The following NUP50 variants were observed in gnomAD, a reference collection of about 807,000 sequenced individuals.
The protein encoded by NUP50 is nuclear pore complex protein Nup50.
Under a neutral mutation model 36.8 loss-of-function variants are expected in NUP50, and 14 were observed. The observed-to-expected ratio is 0.38, with a 90% confidence interval of 0.25 to 0.59. The LOEUF (loss-of-function observed/expected upper bound fraction) is 0.59. Ranked by LOEUF, NUP50 falls within the 20% of genes least tolerant of loss-of-function variation. The pLI, the probability that NUP50 is intolerant of heterozygous loss-of-function variation, is 0.63. For synonymous variants in NUP50, 195 were observed against 210.8 expected, an observed-to-expected ratio of 0.93 and a Z score of 0.65; for missense variants, 455 against 564.6, an observed-to-expected ratio of 0.81 and a Z score of 1.97.
At chr22:45,178,015 A>G (rs1026372662) in intron 4 of NUP50, 16 of 509,644 alleles carry the variant, frequency 3.1e-5, no homozygotes, top group African/African-American at 1.7e-4. Context: ...AATCCCACCT[A>G]CTCGGGAGGT....
chr22:45,170,925 A>G (rs2074181989), intron 2 of NUP50: 4 of 1,250,246 alleles, frequency 3.2e-6, no homozygotes, highest in Non-Finnish European at 4.2e-6. Context: ...TAAGTTTAAT[A>G]TGATCTGAAA....
At chr22:45,178,182 T>G in intron 4 of NUP50, 56 bp from the exon 5 acceptor site, 1 of 1,511,246 alleles carries the variant, frequency 6.6e-7, no homozygotes, top group Non-Finnish European at 9.0e-7. Context: ...CAAAAAAATC[T>G]AGATGATTTA....
intron 3 of NUP50, among the ~76,000 whole-genome samples, chr22:45,174,642 C>T (rs978427716): frequency 1.3e-5 from 2 of 151,840 alleles, no homozygotes; most frequent in African/African-American, 4.8e-5. Flanking sequence ...ATCGGAGGCT[C>T]TGAAAAGCCA....
Position 45,182,256 on chromosome 22 carries a change from C to G in NUP50, c.1085+889C>G, listed in dbSNP as rs1402859963. Among the ~76,000 whole-genome samples the G allele has an allele frequency of 2.6e-5, 4 of 152,082 alleles. No individual in the cohort carries two copies. The South Asian group carries it at 8.3e-4, about 32-fold the overall frequency. ...AGGAGTTCCAGACAAACCTGGCCAACATGGTGAAATCCCGTCTCTACTAAA... is the reference window on the plus strand; with the variant it reads ...AGGAGTTCCAGACAAACCTGGCCAAGATGGTGAAATCCCGTCTCTACTAAA... On this transcript the variant is annotated intron_variant, in intron 6 of 7. Transcript: ENST00000347635.
At chr22:45,174,866 A>G (rs1292720277) in intron 3 of NUP50, among the ~76,000 whole-genome samples, 1 of 152,242 alleles carries the variant, frequency 6.6e-6, no homozygotes, top group East Asian at 1.9e-4. Context: ...TAAACATCTG[A>G]AATTCTGTAG....
intron 7 of NUP50, 138 bp downstream of exon 7, chr22:45,183,658 T>C (rs1157527608): frequency 6.2e-6 from 4 of 649,266 alleles, no homozygotes; most frequent in Non-Finnish European, 1.1e-5. Context: ...TACTTATTTA[T>C]AGTTTTGAGT....
intron 6 of NUP50, among the ~76,000 whole-genome samples, chr22:45,182,235 G>A (rs541489783): frequency 6.6e-6 from 1 of 152,110 alleles, no homozygotes; most frequent in South Asian, 2.1e-4. Flanking sequence ...GAGGTCAGGA[G>A]TTCCAGACAA....
At chr22:45,168,435 A>G (rs1165196814) in intron 2 of NUP50, among the ~76,000 whole-genome samples, 189 bp downstream of exon 2, 4 of 152,216 alleles carry the variant, frequency 2.6e-5, no homozygotes, top group Admixed American at 6.5e-5. Context: ...TGTGACCTCT[A>G]GTTAGTGTAG....
In NUP50 at chr22:45,178,588, C is replaced by G. The variant is rs2074314815; in HGVS notation, c.691C>G (p.Gln231Glu). 5 of 1,611,906 alleles carry G rather than the reference C, an allele frequency of 3.1e-6. No homozygotes were observed. Residue 231 changes from glutamine (Q) to glutamate (E), a missense_variant, in exon 5 of 8, where the codon CAG (glutamine) becomes GAG (glutamate). By Grantham distance (29) the Gln-to-Glu change is conservative. Around this residue, in one of 3 missense-constraint regions of NUP50, gnomAD observed 287 missense variants for 345.5 expected, o/e 0.83. Coordinates refer to ENST00000347635, the MANE Select transcript of NUP50 (RefSeq NM_007172.4). ...SPSLFGSTKL[Q>E]QESTFLFHGN... is the part of the protein sequence containing the mutation. The stretch of plus-strand genomic sequence containing the variant: ...TTCCCTTTTTGGCTCAACAAAATTA[C>G]AGCAAGAGTCAACGTTTTTGTTTCA...
At chr22:45,175,849 T>G (rs1350061362) in intron 3 of NUP50, 45 bp from the exon 4 acceptor site, 1 of 1,593,786 alleles carries the variant, frequency 6.3e-7, no homozygotes, top group Non-Finnish European at 8.6e-7. Flanking sequence ...TTTTTGGTAA[T>G]AGAAAGTACA....
intron 2 of NUP50, among the ~76,000 whole-genome samples, chr22:45,169,970 T>G (rs1336067196): frequency 6.6e-6 from 1 of 152,266 alleles, no homozygotes; most frequent in Non-Finnish European, 1.5e-5. Context: ...GGTTCCTCTT[T>G]GAAGTTCTTA....
At chr22:45,171,783 C>T (rs1444934037) in intron 3 of NUP50, 100 bp downstream of exon 3, 6 of 909,522 alleles carry the variant, frequency 6.6e-6, no homozygotes, top group Non-Finnish European at 1.1e-5. Context: ...CAAATGCTTT[C>T]TTAAAATACT....
At position 45,178,851 on chromosome 22, in the gene NUP50, C is replaced by A; in HGVS notation, c.954C>A (p.Pro318=). 6.2e-7 allele frequency: 1 copy of A among 1,613,656 alleles called. No homozygotes were observed. Among genetic ancestry groups the A allele is most frequent in the Non-Finnish European group, 8.5e-7 (1 of 1,179,794 alleles). Residue 318 remains proline, a synonymous_variant, in exon 5 of 8, where the codon CCC becomes CCA. Coordinates refer to ENST00000347635, the MANE Select transcript of NUP50 (RefSeq NM_007172.4). ...GTAAACCAGTCTCTTCACCATTTCC[C>A]ACTAAACCATTGGAGGGCCAAGCAG... ...TQSKPVSSPF[P]TKPLEGQAEG...
At position 45,187,080 on chromosome 22, in the gene NUP50, A is replaced by T. The variant is rs1334429921; in HGVS notation, c.*2425A>T. The T allele has an allele frequency of 6.6e-6, 1 of 151,806 alleles. No homozygotes were observed. Among genetic ancestry groups the T allele is most frequent in the Non-Finnish European group, 1.5e-5 (1 of 67,980 alleles). 9.4% of individuals were successfully genotyped at this position (151,806 alleles called of 1,614,324 possible). On this transcript the variant is annotated 3_prime_UTR_variant, in exon 8 of 8. Transcript: ENST00000347635. The stretch of plus-strand genomic sequence containing the variant: ...TTTTGTTTGAGAATCTATGAAGTGT[A>T]TCATATACGTGGCCTAAAGCAAGGT...
At position 45,178,837 on chromosome 22, in the gene NUP50, T is replaced by C. The variant is rs1354962847; in HGVS notation, c.940T>C (p.Ser314Pro). ...GKDTTQSKPV[S>P]SPFPTKPLEG... ...AGATACTACCCAGAGTAAACCAGTC[T>C]CTTCACCATTTCCCACTAAACCATT... Residue 314 changes from serine to proline, a missense_variant, in exon 5 of 8, where the codon TCT becomes CCT. Ser to Pro is a moderately conservative substitution (Grantham distance 74, BLOSUM62 -1). Transcript: ENST00000347635. The C allele has an allele frequency of 3.1e-6, 5 of 1,613,746 alleles. No homozygotes were observed. The highest frequency in any genetic ancestry group is 2.2e-5 in the East Asian group (1 of 44,896).
chr22:45,172,696 A>G (rs567933888), intron 3 of NUP50, among the ~76,000 whole-genome samples: 11 of 152,342 alleles, frequency 7.2e-5, no homozygotes, highest in African/African-American at 2.6e-4. Flanking sequence ...TTACATTGCC[A>G]AAGTTTTGAT....
At position 45,163,993 on chromosome 22, in the gene NUP50, G is replaced by A. The variant is rs2074053134; in HGVS notation, c.-314G>A. 6.6e-6 allele frequency: 1 copy of A among 152,260 alleles called. No homozygotes were observed. 9.4% of individuals were successfully genotyped at this position (152,260 alleles called of 1,614,324 possible). ...TCCCTTTTTTTCGAATTGGTTTTGG[G>A]GGTAGATTCGAGTTACAAAATGGCC... On this transcript the variant is annotated 5_prime_UTR_variant, in exon 1 of 8. Coordinates refer to ENST00000347635, the MANE Select transcript of NUP50 (RefSeq NM_007172.4).
Position 45,178,721 on chromosome 22 carries a change from A to G in NUP50, c.824A>G (p.Lys275Arg), listed in dbSNP as rs564086226. 1.1e-5 allele frequency: 18 copies of G among 1,613,332 alleles called. No homozygotes were observed. In the East Asian group the frequency reaches 2.7e-4, roughly 24 times the overall value. Reference protein sequence around the residue: ...GATSASFNFGKKVDSSVLGSL... With the variant: ...GATSASFNFGRKVDSSVLGSL... Reference sequence around the variant, plus strand: ...ACAAGTGCCTCATTTAATTTCGGCAAGAAAGTTGATAGCTCTGTTTTGGGC... The same window carrying G: ...ACAAGTGCCTCATTTAATTTCGGCAGGAAAGTTGATAGCTCTGTTTTGGGC... The change falls in exon 5 of 8, where the codon AAG becomes AGG. Residue 275 changes from lysine to arginine, a missense_variant. Around this residue, in one of 3 missense-constraint regions of NUP50, gnomAD observed 287 missense variants for 345.5 expected, o/e 0.83. Coordinates refer to ENST00000347635, the MANE Select transcript of NUP50 (RefSeq NM_007172.4).
rs142588390 is a variant in NUP50, at chr22:45,186,484, G to C, written c.*1829G>C. ...GCAACTTAGCCACACATGCTTCCCT[G>C]GTACCAGCTGGAATCAGCAGCTCAC... On this transcript the variant is annotated 3_prime_UTR_variant, in exon 8 of 8. Transcript: ENST00000347635. 66 of 152,368 alleles carry C rather than the reference G, an allele frequency of 4.3e-4. No homozygotes were observed. Among genetic ancestry groups the C allele is most frequent in the African/African-American group, 1.6e-3 (65 of 41,524 alleles). 9.4% of individuals were successfully genotyped at this position (152,368 alleles called of 1,614,324 possible).
Sources: allele counts gnomAD v4.1 joint callset (sites outside exome capture counted in the v4.1 genomes callset), GRCh38; gene constraint gnomAD v4.1.1; regional missense constraint gnomAD v4.1.1; transcripts MANE v1.5; gene names NCBI Gene and HGNC (gene_info 2026-07-23, HGNC 2026-07-21).